The following SLC9A3 variants were observed in gnomAD, a reference collection of about 807,000 sequenced individuals.
The protein encoded by SLC9A3 is solute carrier family 9 member A3.
Under a neutral mutation model 86.8 loss-of-function variants are expected in SLC9A3, and 37 were observed. The ratio of observed to expected loss-of-function variants is 0.43; its 90% CI spans 0.33 to 0.56. The LOEUF is 0.56. SLC9A3 is among the 20% of genes least tolerant of loss of function. The probability of loss-of-function intolerance (pLI) is 0.06; values close to 1 mark genes in which losing one functional copy is unlikely to be tolerated. For missense variants in SLC9A3, 1,011 were observed against 1,171.9 expected, an observed-to-expected ratio of 0.86 and a Z score of 2.00; for synonymous variants, 581 against 528.3, an observed-to-expected ratio of 1.10 and a Z score of -1.37.
intron 6 of SLC9A3, 126 bp downstream of exon 6, chr5:483,136 G>A (rs1560955181): frequency 1.2e-5 from 9 of 744,976 alleles, no homozygotes; most frequent in African/African-American, 1.8e-5. Context: ...CCACCATCAG[G>A]TCCTCTCCTC....
intron 7 of SLC9A3, 25 bp downstream of exon 7, chr5:482,523 C>T (rs2126617903): frequency 1.3e-6 from 2 of 1,592,398 alleles, no homozygotes; most frequent in Non-Finnish European, 1.7e-6. Flanking sequence ...GCCGAGACCC[C>T]AGGGCTGGCT....
intron 1 of SLC9A3, 111 bp downstream of exon 1, chr5:524,001 C>A (rs954319966): frequency 7.0e-5 from 42 of 599,536 alleles, no homozygotes; most frequent in Non-Finnish European, 1.1e-4. Context: ...CTCTCCCGGG[C>A]GGCCGCCGCG....
In SLC9A3 at chr5:482,770, C is replaced by T. The variant is rs368411367; in HGVS notation, c.1154-20G>A. On this transcript the variant is annotated intron_variant, in intron 6 of 16. Transcript: ENST00000264938. ...CCACACCTGCGGATGATGGGGCGGGCACTCAGCTCCCCGGCCGCCCTCCCA... is the reference window on the plus strand; with the variant it reads ...CCACACCTGCGGATGATGGGGCGGGTACTCAGCTCCCCGGCCGCCCTCCCA... 5.4e-4 allele frequency: 847 copies of T among 1,571,380 alleles called. No homozygotes were observed. The highest frequency in any genetic ancestry group is 6.9e-4 in the Non-Finnish European group (798 of 1,157,084).
intron 9 of SLC9A3, 126 bp downstream of exon 9, chr5:481,439 C>T (rs1033551490): frequency 1.5e-5 from 12 of 824,766 alleles, no homozygotes; most frequent in East Asian, 2.4e-5. Flanking sequence ...CCTCATGGGG[C>T]ACCGGAGCCC....
chr5:480,944 T>G (rs1739126543), intron 9 of SLC9A3: 1 of 152,450 alleles, frequency 6.6e-6, no homozygotes, highest in African/African-American at 2.4e-5. Flanking sequence ...GGCTGGAATG[T>G]AATGGCGCAA....
intron 3 of SLC9A3, among the ~76,000 whole-genome samples, chr5:486,631 C>G (rs925110749): frequency 6.6e-6 from 1 of 152,122 alleles, no homozygotes; most frequent in Non-Finnish European, 1.5e-5. Flanking sequence ...AAATTGTGCC[C>G]CCGAAATTCC....
rs1738631141 is a variant in SLC9A3 at position 475,084 on chromosome 5, A to G, written c.2300T>C (p.Leu767Pro). 6.2e-7 allele frequency: 1 copy of G among 1,611,042 alleles called. No individual in the cohort carries two copies. Among genetic ancestry groups the G allele is most frequent in the Admixed American group, 1.7e-5 (1 of 59,912 alleles). ...FSPDEALDRS[L>P]LARLPPWLSP... ...CAGCCAGGGCGGCAGCCTGGCCAGGAGGCTGCGGTCCAGGGCCTCGTCCGG... is the reference window on the plus strand; with the variant it reads ...CAGCCAGGGCGGCAGCCTGGCCAGGGGGCTGCGGTCCAGGGCCTCGTCCGG... Residue 767 changes from leucine (L) to proline (P), a missense_variant, in exon 16 of 17, where the codon CTC (leucine) becomes CCC (proline). Around this residue, in one of 3 missense-constraint regions of SLC9A3, gnomAD observed 397 missense variants for 346.3 expected, o/e 1.15. Coordinates refer to ENST00000264938, the MANE Select transcript of SLC9A3 (RefSeq NM_004174.4).
rs1331993107 is a variant in SLC9A3 at position 472,422 on chromosome 5, G to C, written c.*957C>G. 1 of 337,856 alleles carries C rather than the reference G, an allele frequency of 3.0e-6. No individual in the cohort carries two copies. The highest frequency in any genetic ancestry group is 5.8e-6 in the Non-Finnish European group (1 of 172,120). 20.9% of individuals were successfully genotyped at this position (337,856 alleles called of 1,614,324 possible). A position where few individuals can be genotyped will look rare whatever the true frequency, so the allele number is the denominator to read the frequency against. On this transcript the variant is annotated 3_prime_UTR_variant, in exon 17 of 17. Coordinates refer to ENST00000264938, the MANE Select transcript of SLC9A3 (RefSeq NM_004174.4). The stretch of plus-strand genomic sequence containing the variant: ...CTGCTGGGCCCCACCATCCACTTAA[G>C]GACTGGCCGTGATTCTTGGCAAGCT...
intron 1 of SLC9A3, among the ~76,000 whole-genome samples, chr5:504,679 T>G (rs1038609028): frequency 6.6e-6 from 1 of 152,144 alleles, no homozygotes; most frequent in Non-Finnish European, 1.5e-5. Context: ...TCTGGGGCCA[T>G]GGGCACCGGG....
intron 9 of SLC9A3, chr5:480,925 C>G (rs1739125489): frequency 6.6e-6 from 1 of 152,314 alleles, no homozygotes; most frequent in African/African-American, 2.4e-5. Context: ...AAGTCTCGCT[C>G]TGTCACCAGG....
intron 14 of SLC9A3, 50 bp downstream of exon 14, chr5:475,970 G>T: frequency 6.8e-7 from 1 of 1,477,712 alleles, no homozygotes; most frequent in South Asian, 1.2e-5. Context: ...GGCTGGGGCT[G>T]GGAGGTGGTG....
chr5:488,521 C>G (rs1313378003), intron 2 of SLC9A3, 45 bp from the exon 3 acceptor site: 19 of 1,483,806 alleles, frequency 1.3e-5, no homozygotes, highest in Non-Finnish European at 1.7e-5. Context: ...GGCCTGCCAC[C>G]CGAGGAGGAG....
chr5:472,065 G>T lies in SLC9A3; in HGVS notation c.*1314C>A, dbSNP rs1476218193. Reference sequence around the variant, plus strand: ...CACCTCCACCACTTCCACCGTGCAGGCAGGTTTCAGGTGGGTTGGACCCTG... The same window carrying T: ...CACCTCCACCACTTCCACCGTGCAGTCAGGTTTCAGGTGGGTTGGACCCTG... On this transcript the variant is annotated 3_prime_UTR_variant, in exon 17 of 17. Transcript: ENST00000264938. The T allele has an allele frequency of 6.6e-6, 3 of 451,726 alleles. No homozygotes were observed. The highest frequency in any genetic ancestry group is 4.0e-5 in the African/African-American group (2 of 50,024). The allele number at this position is 451,726 out of a possible 1,614,324, so 28.0% of individuals were successfully genotyped here.
chr5:481,457 G>A, intron 9 of SLC9A3, 108 bp downstream of exon 9: 3 of 974,676 alleles, frequency 3.1e-6, no homozygotes, highest in South Asian at 2.6e-5. Context: ...CCCTGACCAA[G>A]CCTGGACTCA....
rs1315944271 is a variant in SLC9A3, at chr5:475,052, C to T, written c.2332G>A (p.Gly778Arg). The T allele has an allele frequency of 1.2e-6, 2 of 1,612,098 alleles. No individual in the cohort carries two copies. The highest frequency in any genetic ancestry group is 1.3e-5 in the African/African-American group (1 of 74,868). The change falls in exon 16 of 17, where the codon GGG becomes AGG. Residue 778 changes from glycine to arginine, a missense_variant. Gly to Arg is a moderately radical substitution (Grantham distance 125). Coordinates refer to ENST00000264938, the MANE Select transcript of SLC9A3 (RefSeq NM_004174.4). ...CTCTGCGAGGGGACCACCGTCTCCC[C>T]GGGAGACAGCCAGGGCGGCAGCCTG... ...LARLPPWLSP[G>R]ETVVPSQRAR... is the part of the protein sequence containing the mutation.
intron 9 of SLC9A3, 100 bp downstream of exon 9, chr5:481,465 T>TGAC (rs1739160078): frequency 9.6e-7 from 1 of 1,042,478 alleles, no homozygotes; most frequent in African/African-American, 1.6e-5. Flanking sequence ...AAGCCTGGAC[T>TGAC]CAAACAGTTG....
chr5:500,012 C>T (rs1433860879), intron 1 of SLC9A3, among the ~76,000 whole-genome samples: 2 of 152,262 alleles, frequency 1.3e-5, no homozygotes, highest in Non-Finnish European at 2.9e-5. Context: ...AGCTGTTGGG[C>T]AGGAGCTGCA....
In SLC9A3 at chr5:483,502, T is replaced by C; in HGVS notation, c.933-20A>G. On this transcript the variant is annotated intron_variant, in intron 5 of 16. Coordinates refer to ENST00000264938, the MANE Select transcript of SLC9A3 (RefSeq NM_004174.4). ...GTGATGCTGCAGGGACAGACGCGCCTCAGGACACGGCCACCTGGCCTGGCG... is the reference window on the plus strand; with the variant it reads ...GTGATGCTGCAGGGACAGACGCGCCCCAGGACACGGCCACCTGGCCTGGCG... 1 of 1,540,784 alleles carries C rather than the reference T, an allele frequency of 6.5e-7. No homozygotes were observed. Among genetic ancestry groups the C allele is most frequent in the East Asian group, 2.4e-5 (1 of 41,244 alleles).
intron 1 of SLC9A3, among the ~76,000 whole-genome samples, chr5:509,618 C>T (rs113006415): frequency 9.9e-4 from 151 of 152,264 alleles, no homozygotes; most frequent in African/African-American, 3.4e-3. Context: ...GAACCGCGGA[C>T]AGGCATCACC....
Sources: allele counts gnomAD v4.1 joint callset (sites outside exome capture counted in the v4.1 genomes callset), GRCh38; gene constraint gnomAD v4.1.1; regional missense constraint gnomAD v4.1.1; transcripts MANE v1.5; gene names NCBI Gene and HGNC (gene_info 2026-07-23, HGNC 2026-07-21).